ZNF665: variants seen among roughly 807,000 people sequenced by gnomAD.
The protein encoded by ZNF665 is zinc finger protein 665.
A neutral mutation model predicts 7.9 loss-of-function variants in ZNF665; 6 were observed. That is an observed-to-expected ratio of 0.76 (90% CI 0.42 to 1.50). ZNF665 has a LOEUF of 1.50. Ranked by LOEUF, ZNF665 falls within the 40% of genes most tolerant of loss-of-function variation. The pLI, the probability that ZNF665 is intolerant of heterozygous loss-of-function variation, is 0.01. For missense variants in ZNF665, 819 were observed against 806.7 expected (o/e 1.02, Z -0.18); for synonymous variants, 242 against 274.5 (o/e 0.88, Z 1.17).
chr19:53,192,312 T>C (rs1450880456), intron 1 of ZNF665, among the ~76,000 whole-genome samples: 1 of 152,072 alleles, frequency 6.6e-6, no homozygotes, highest in African/African-American at 2.4e-5. Context: ...GCTGTGGTTC[T>C]CCCTCTGCTC....
chr19:53,190,618 T>C (rs2090809633), intron 1 of ZNF665, among the ~76,000 whole-genome samples: 1 of 152,184 alleles, frequency 6.6e-6, no homozygotes, highest in African/African-American at 2.4e-5. Context: ...CATTCATCTG[T>C]ATGCTTCGTA....
At position 53,175,578 on chromosome 19, in the gene ZNF665, T is replaced by C; in HGVS notation, c.16-7A>G. ...CCTTGAATGTCAACTGTCCCTAAAA[T>C]GAAAAACACATTTCACCAAGTGACT... On this transcript the variant is annotated splice_region_variant and splice_polypyrimidine_tract_variant and intron_variant, in intron 2 of 3. Coordinates refer to ENST00000396424, the MANE Select transcript of ZNF665 (RefSeq NM_024733.5). The C allele has an allele frequency of 3.8e-6, 6 of 1,589,774 alleles. No individual in the cohort carries two copies. In the South Asian group the frequency reaches 5.7e-5, roughly 15 times the overall value.
rs62115540 is a variant in ZNF665, at chr19:53,183,976, G to C, written c.-45-1033C>G. Among the ~76,000 whole-genome samples, 1,086 of 152,300 alleles carry C rather than the reference G, an allele frequency of 7.1e-3. 8 individuals are homozygous for C. The highest frequency in any genetic ancestry group is 0.02 in the Middle Eastern group (6 of 294). Reference sequence around the variant, plus strand: ...CCTCCAAAGAATGTTTAAGCTGGGCGCAGTGGCTCTTGCCTGTAATCTCAG... The same window carrying C: ...CCTCCAAAGAATGTTTAAGCTGGGCCCAGTGGCTCTTGCCTGTAATCTCAG... On this transcript the variant is annotated intron_variant, in intron 1 of 3. Coordinates refer to ENST00000396424, the MANE Select transcript of ZNF665 (RefSeq NM_024733.5).
Position 53,164,302 on chromosome 19 carries a change from T to TG in ZNF665, c.*150_*151insC. ...ACAGGCGTGCACCACCACACCCAGC[T>TG]AATTTTTGTATTTTTAGTAGAGACA... On this transcript the variant is annotated 3_prime_UTR_variant, in exon 4 of 4. Transcript: ENST00000396424. The TG allele has an allele frequency of 1.7e-6, 1 of 605,186 alleles. No homozygotes were observed. Among genetic ancestry groups the TG allele is most frequent in the South Asian group, 2.5e-5 (1 of 40,110 alleles). The allele number at this position is 605,186 out of a possible 1,614,324, so 37.5% of individuals were successfully genotyped here.
chr19:53,165,932 G>A lies in ZNF665; in HGVS notation c.558C>T (p.Val186=). The part of the protein sequence containing the change: ...KHYKCDECGK[V]FSQNSRLTSH... ...TTGTTAGCCGTGAGTTTTGACTGAA[G>A]ACCTTGCCACATTCATCACATTTAT... is the stretch of plus-strand genomic sequence containing the variant. The change falls in exon 4 of 4, where the codon GTC becomes GTT. Residue 186 remains valine (V), a synonymous_variant. Transcript: ENST00000396424. 6.2e-7 allele frequency: 1 copy of A among 1,614,154 alleles called. No individual in the cohort carries two copies. Among genetic ancestry groups the A allele is most frequent in the Non-Finnish European group, 8.5e-7 (1 of 1,180,034 alleles).
intron 1 of ZNF665, among the ~76,000 whole-genome samples, chr19:53,183,478 A>G (rs576867755): frequency 5.3e-5 from 8 of 152,294 alleles, no homozygotes; most frequent in African/African-American, 1.9e-4. Context: ...ATGCCTCAGC[A>G]TTCTTGAGCT....
At chr19:53,189,476 G>T (rs1013763395) in intron 1 of ZNF665, among the ~76,000 whole-genome samples, 3 of 146,802 alleles carry the variant, frequency 2.0e-5, no homozygotes, top group African/African-American at 7.6e-5. Context: ...CACTGGACAG[G>T]GGGCCCTTCC....
chr19:53,165,846 A>G lies in ZNF665; in HGVS notation c.644T>C (p.Phe215Ser), dbSNP rs370621605. 33 of 1,614,072 alleles carry G rather than the reference A, an allele frequency of 2.0e-5. No individual in the cohort carries two copies. The African/African-American group carries it at 3.2e-4, about 16-fold the overall frequency. ...GATTGTTAGGTTTGAACGAACAGTA[A>G]AGGCTTTGCCACACTTATTACACTG... ...PYQCNKCGKAFTVRSNLTIHQ... is the reference protein window; with the variant it reads ...PYQCNKCGKASTVRSNLTIHQ... The change falls in exon 4 of 4, where the codon TTT becomes TCT. Residue 215 changes from phenylalanine (F) to serine (S), a missense_variant. By Grantham distance (155) the Phe-to-Ser change is radical. Coordinates refer to ENST00000396424, the MANE Select transcript of ZNF665 (RefSeq NM_024733.5).
At chr19:53,167,292 C>T (rs1568655496) in intron 3 of ZNF665, among the ~76,000 whole-genome samples, 1 of 152,090 alleles carries the variant, frequency 6.6e-6, no homozygotes, top group Non-Finnish European at 1.5e-5. Flanking sequence ...TGAGCCACTG[C>T]GCCCAGCCCC....
chr19:53,166,991 ATTTCTTTC>A (rs146474857), intron 3 of ZNF665, among the ~76,000 whole-genome samples: 2 of 150,788 alleles, frequency 1.3e-5, no homozygotes, highest in South Asian at 2.1e-4. Flanking sequence ...TAACAGTTAT[ATTTCTTTC>A]TTTCTTTCTT....
At position 53,164,842 on chromosome 19, in the gene ZNF665, C is replaced by T. The variant is rs1278702978; in HGVS notation, c.1648G>A (p.Val550Ile). 1.2e-6 allele frequency: 2 copies of T among 1,614,124 alleles called. No homozygotes were observed. Among genetic ancestry groups the T allele is most frequent in the Admixed American group, 3.3e-5 (2 of 60,022 alleles). ...GCAAGGTACGAATTGTGTCTGAAGA[C>T]CTTGCCGCAATCATTACATTTGTAT... ...KPYKCNDCGK[V>I]FRHNSYLAIH... is the part of the protein sequence containing the mutation. Residue 550 changes from valine (V) to isoleucine (I), a missense_variant, in exon 4 of 4, where the codon GTC becomes ATC. Val to Ile is a conservative substitution (Grantham distance 29, BLOSUM62 3). Coordinates refer to ENST00000396424, the MANE Select transcript of ZNF665 (RefSeq NM_024733.5).
At chr19:53,179,646 T>C (rs2090723874) in intron 2 of ZNF665, 1 of 152,056 alleles carries the variant, frequency 6.6e-6, no homozygotes, top group African/African-American at 2.4e-5. Context: ...TAATAGTATT[T>C]ATAATCAACC....
intron 2 of ZNF665, chr19:53,182,357 C>T (rs1292548882): frequency 1.4e-5 from 4 of 293,164 alleles, no homozygotes; most frequent in East Asian, 7.7e-5. Context: ...GGCGACAGAG[C>T]GAGACTCTGT....
chr19:53,166,022 T>C lies in ZNF665; in HGVS notation c.468A>G (p.Gln156=), dbSNP rs1354698682. The change falls in exon 4 of 4, where the codon CAA becomes CAG. Residue 156 remains glutamine (Q), a synonymous_variant. Coordinates refer to ENST00000396424, the MANE Select transcript of ZNF665 (RefSeq NM_024733.5). The part of the protein sequence containing the change: ...QSHLPELQQF[Q]HEGKIYEYNQ... ...TGTATTCATAAATTTTCCCTTCATG[T>C]TGAAATTGCTGCAGTTCAGGGAGAT... 1.4e-5 allele frequency: 23 copies of C among 1,613,916 alleles called. No individual in the cohort carries two copies. Among genetic ancestry groups the C allele is most frequent in the Non-Finnish European group, 1.9e-5 (22 of 1,179,880 alleles).
chr19:53,171,504 G>GTGTGTGTATATATATATATATATA (rs140482885), intron 3 of ZNF665, among the ~76,000 whole-genome samples: 2 of 57,774 alleles, frequency 3.5e-5, no homozygotes, highest in African/African-American at 1.1e-4. Context: ...GTGTGTGTGT[G>GTGTGTGTATATATATATATATATA]TATATATATA....
chr19:53,162,435 A>C lies in ZNF665; in HGVS notation c.*2018T>G, dbSNP rs1266846836. ...TGATTCATTCATACTTATAAAATACATCAAATTTTATTAGTTAAAACATTA... is the reference window on the plus strand; with the variant it reads ...TGATTCATTCATACTTATAAAATACCTCAAATTTTATTAGTTAAAACATTA... On this transcript the variant is annotated 3_prime_UTR_variant, in exon 4 of 4. Transcript: ENST00000396424. 6.6e-6 allele frequency: 1 copy of C among 152,236 alleles called. No individual in the cohort carries two copies. The highest frequency in any genetic ancestry group is 1.5e-5 in the Non-Finnish European group (1 of 68,046). The allele number at this position is 152,236 out of a possible 1,614,324, so 9.4% of individuals were successfully genotyped here.
In ZNF665 at chr19:53,165,032, G is replaced by A; in HGVS notation, c.1458C>T (p.Tyr486=). ...HRGIHSGEKP[Y]KCDECGKAFS... ...AGGCTTTACCACATTCATCACACTT[G>A]TAAGGTTTCTCTCCAGAATGAATTC... is the stretch of plus-strand genomic sequence containing the variant. The change falls in exon 4 of 4, where the codon TAC becomes TAT. Residue 486 remains tyrosine (Y), a synonymous_variant. Coordinates refer to ENST00000396424, the MANE Select transcript of ZNF665 (RefSeq NM_024733.5). 6.2e-7 allele frequency: 1 copy of A among 1,614,138 alleles called. No individual in the cohort carries two copies. The highest frequency in any genetic ancestry group is 1.3e-5 in the African/African-American group (1 of 75,032).
At chr19:53,185,825 G>GA (rs895017772) in intron 1 of ZNF665, among the ~76,000 whole-genome samples, 11 of 150,694 alleles carry the variant, frequency 7.3e-5, no homozygotes, top group Middle Eastern at 3.5e-3. Flanking sequence ...AGTGAGAAAA[G>GA]AAAAAAAAGG....
intron 1 of ZNF665, among the ~76,000 whole-genome samples, chr19:53,184,668 TG>T (rs1224118593): frequency 6.6e-6 from 1 of 152,092 alleles, no homozygotes; most frequent in Non-Finnish European, 1.5e-5. Flanking sequence ...TCTCCTCGTG[TG>T]TGGAGACGAG....
Sources: allele counts gnomAD v4.1 joint callset (sites outside exome capture counted in the v4.1 genomes callset), GRCh38; gene constraint gnomAD v4.1.1; transcripts MANE v1.5; gene names NCBI Gene and HGNC (gene_info 2026-07-23, HGNC 2026-07-21).